Variants in ZBTB20 observed in about 807,000 individuals in gnomAD.
The protein encoded by ZBTB20 is zinc finger and BTB domain-containing protein 20.
Under a neutral mutation model 56.9 loss-of-function variants are expected in ZBTB20, and 9 were observed. The observed-to-expected ratio is 0.16, with a 90% CI of 0.10 to 0.28. ZBTB20 has a LOEUF of 0.28. ZBTB20 is among the 10% of genes least tolerant of loss of function. ZBTB20 has a pLI of 1.00. For synonymous variants in ZBTB20, 417 were observed against 420.7 expected (o/e 0.99, Z 0.11); for missense variants, 655 against 1,003.0 (o/e 0.65, Z 4.69).
intron 4 of ZBTB20, among the ~76,000 whole-genome samples, chr3:114,824,788 T>C (rs1212735927): frequency 6.6e-6 from 1 of 151,922 alleles, no homozygotes; most frequent in East Asian, 1.9e-4. Flanking sequence ...ATATAGCAAG[T>C]ATACTCACTT....
chr3:114,837,153 T>G (rs1172284457), intron 4 of ZBTB20, among the ~76,000 whole-genome samples: 5 of 152,194 alleles, frequency 3.3e-5, no homozygotes, highest in African/African-American at 1.2e-4. Context: ...CAGAAAGGTC[T>G]TTCCTTGTGT....
intron 2 of ZBTB20, among the ~76,000 whole-genome samples, chr3:115,034,884 A>T (rs2080850059): frequency 6.6e-6 from 1 of 151,984 alleles, no homozygotes; most frequent in African/African-American, 2.4e-5. Context: ...ACTAAGAAAT[A>T]AAATAGAGTC....
intron 3 of ZBTB20, among the ~76,000 whole-genome samples, chr3:114,918,034 A>G (rs866274831): frequency 6.6e-6 from 1 of 152,008 alleles, no homozygotes; most frequent in Non-Finnish European, 1.5e-5. Context: ...GGAGTAAGAA[A>G]CCTTAAGAAT....
At chr3:114,896,219 C>T (rs536492468) in intron 4 of ZBTB20, among the ~76,000 whole-genome samples, 2 of 152,164 alleles carry the variant, frequency 1.3e-5, no homozygotes, top group East Asian at 1.9e-4. Context: ...AATGGAATTA[C>T]CATACAATCT....
chr3:114,503,454 T>C (rs2044238670), intron 6 of ZBTB20, among the ~76,000 whole-genome samples: 1 of 152,220 alleles, frequency 6.6e-6, no homozygotes, highest in Non-Finnish European at 1.5e-5. Context: ...TCTGAGAATA[T>C]GTATTAATCT....
intron 4 of ZBTB20, among the ~76,000 whole-genome samples, chr3:114,803,157 G>A (rs539956420): frequency 5.0e-4 from 74 of 148,708 alleles, no homozygotes; most frequent in Middle Eastern, 6.9e-3. Flanking sequence ...CTCTTGGTGA[G>A]GGTAATGAGG....
chr3:115,095,179 T>C (rs2083335411), intron 1 of ZBTB20, among the ~76,000 whole-genome samples: 1 of 152,156 alleles, frequency 6.6e-6, no homozygotes, highest in Non-Finnish European at 1.5e-5. Context: ...TAAGACTGAA[T>C]ATTCAGAATT....
intron 4 of ZBTB20, among the ~76,000 whole-genome samples, chr3:114,889,930 A>G (rs556309186): frequency 6.6e-6 from 1 of 152,202 alleles, no homozygotes; most frequent in Non-Finnish European, 1.5e-5. Flanking sequence ...GACTAATGAG[A>G]GGAGGAAGAA....
intron 10 of ZBTB20, among the ~76,000 whole-genome samples, chr3:114,367,677 A>G (rs886435800): frequency 6.6e-6 from 1 of 152,216 alleles, no homozygotes; most frequent in African/African-American, 2.4e-5. Flanking sequence ...CCAAGAAGAC[A>G]ACATTCAGAG....
At chr3:114,424,144 A>C (rs2108841653) in intron 7 of ZBTB20, among the ~76,000 whole-genome samples, 1 of 152,344 alleles carries the variant, frequency 6.6e-6, no homozygotes, top group South Asian at 2.1e-4. Flanking sequence ...TTGTCACATA[A>C]CAACCTTAAT....
chr3:114,420,245 C>T (rs554756010), intron 7 of ZBTB20, among the ~76,000 whole-genome samples: 1 of 152,058 alleles, frequency 6.6e-6, no homozygotes, highest in African/African-American at 2.4e-5. Context: ...TGGGGGTAAG[C>T]AGTATGGGCC....
chr3:115,097,293 C>T (rs923073952), intron 1 of ZBTB20, among the ~76,000 whole-genome samples: 1 of 152,166 alleles, frequency 6.6e-6, no homozygotes, highest in African/African-American at 2.4e-5. Flanking sequence ...ATTCTCCTGC[C>T]TCAGCCTCCC....
At chr3:114,629,646 T>C (rs1266854134) in intron 6 of ZBTB20, among the ~76,000 whole-genome samples, 2 of 152,176 alleles carry the variant, frequency 1.3e-5, no homozygotes, top group African/African-American at 4.8e-5. Flanking sequence ...CCAATACTAA[T>C]CTGTTCTATA....
intron 6 of ZBTB20, chr3:114,528,966 C>T (rs1351592585): frequency 6.6e-6 from 1 of 152,102 alleles, no homozygotes; most frequent in Non-Finnish European, 1.5e-5. Context: ...TCCTTCAATC[C>T]CCCCTTTCCC....
At chr3:114,966,625 A>T (rs1275475493) in intron 3 of ZBTB20, among the ~76,000 whole-genome samples, 1 of 152,036 alleles carries the variant, frequency 6.6e-6, no homozygotes, top group Admixed American at 6.6e-5. Flanking sequence ...TTCAGTCAAG[A>T]CTGAATCTCA....
intron 6 of ZBTB20, among the ~76,000 whole-genome samples, chr3:114,537,986 C>T (rs2048677868): frequency 6.6e-6 from 1 of 151,676 alleles, no homozygotes; most frequent in Non-Finnish European, 1.5e-5. Context: ...CTGTTGGTGG[C>T]TGGGGGGCTA....
chr3:114,358,089 C>T (rs1345981823), intron 10 of ZBTB20, among the ~76,000 whole-genome samples: 1 of 151,988 alleles, frequency 6.6e-6, no homozygotes, highest in Non-Finnish European at 1.5e-5. Context: ...TAGAAAACAC[C>T]CTTTAACATC....
rs181147930 is a variant in ZBTB20 at position 114,583,261 on chromosome 3, T to C, written c.-294-82870A>G. Reference sequence around the variant, plus strand: ...CTAACCACTAACCATGGTACAGATGTTTGAAAAATGTGAAACAGAGAAATG... The same window carrying C: ...CTAACCACTAACCATGGTACAGATGCTTGAAAAATGTGAAACAGAGAAATG... On this transcript the variant is annotated intron_variant, in intron 6 of 11. Transcript: ENST00000675478. Among the ~76,000 whole-genome samples, 537 of 152,270 alleles carry C rather than the reference T, an allele frequency of 3.5e-3. 1 individual carries two copies. Among genetic ancestry groups the C allele is most frequent in the African/African-American group, 0.01 (435 of 41,546 alleles).
chr3:114,582,328 T>C (rs2054721863), intron 6 of ZBTB20: 1 of 152,156 alleles, frequency 6.6e-6, no homozygotes, highest in Admixed American at 6.5e-5. Context: ...AAACTTCGTT[T>C]AACCTGGGTT....
Sources: gnomAD v4.1 joint callset for allele counts (sites outside exome capture counted in the v4.1 genomes callset) on GRCh38, gnomAD v4.1.1 for gene constraint, MANE v1.5 for transcripts, NCBI Gene and HGNC (gene_info 2026-07-23, HGNC 2026-07-21) for gene names.